SORCS2: variants seen among roughly 807,000 people sequenced by gnomAD.
SORCS2 encodes the protein VPS10 domain-containing receptor SorCS2.
A neutral mutation model predicts 141.6 loss-of-function variants in SORCS2; 100 were observed. The observed-to-expected ratio is 0.71, with a 90% CI of 0.60 to 0.83. The LOEUF (loss-of-function observed/expected upper bound fraction) is 0.83, where lower values mean the gene tolerates loss of function less well. SORCS2 is among the 40% of genes least tolerant of loss of function. The pLI is 0.00. For synonymous variants in SORCS2, 789 were observed against 676.9 expected (o/e 1.17, Z -2.57); for missense variants, 1,646 against 1,560.2 (o/e 1.05, Z -0.93).
chr4:7,484,430 C>G (rs921036449), intron 2 of SORCS2, among the ~76,000 whole-genome samples: 2 of 152,160 alleles, frequency 1.3e-5, no homozygotes, highest in South Asian at 2.1e-4. Flanking sequence ...GCCGGAGCGG[C>G]CTGCTGGGGA....
At chr4:7,680,534 G>A (rs192196326) in intron 9 of SORCS2, among the ~76,000 whole-genome samples, 184 of 152,352 alleles carry the variant, frequency 1.2e-3, no homozygotes, top group African/African-American at 4.1e-3. Context: ...GGCTCCTCCC[G>A]GCCCCTGGGA....
intron 1 of SORCS2, among the ~76,000 whole-genome samples, chr4:7,377,685 C>T (rs62280084): frequency 6.6e-6 from 1 of 152,214 alleles, no homozygotes; most frequent in Non-Finnish European, 1.5e-5. Context: ...TGCCCTCCGC[C>T]ACAGCTGGTA....
chr4:7,389,133 T>C (rs1168990927), intron 1 of SORCS2, among the ~76,000 whole-genome samples: 1 of 152,042 alleles, frequency 6.6e-6, no homozygotes. Context: ...CAAATTCTGT[T>C]CCTGCCCATC....
Position 7,229,644 on chromosome 4 carries a change from A to T in SORCS2, c.480+36518A>T, listed in dbSNP as rs187226071. Among the ~76,000 whole-genome samples the T allele has an allele frequency of 5.2e-5, 8 of 152,390 alleles. No individual in the cohort carries two copies. The East Asian group carries it at 1.3e-3, about 26-fold the overall frequency. On this transcript the variant is annotated intron_variant, in intron 1 of 26. Transcript: ENST00000507866. ...GAGGGCTGAGGTCACTCCGAGGCTG[A>T]AAAAGGGCCTAAGAGCTTCTGTCAC...
At chr4:7,388,877 A>C (rs1444328333) in intron 1 of SORCS2, among the ~76,000 whole-genome samples, 1 of 150,344 alleles carries the variant, frequency 6.7e-6, no homozygotes, top group Admixed American at 6.7e-5. Context: ...TGCGTGGGTT[A>C]TTTCTGGTCT....
chr4:7,376,502 A>G (rs1190712561), intron 1 of SORCS2, among the ~76,000 whole-genome samples: 2 of 152,150 alleles, frequency 1.3e-5, no homozygotes, highest in Non-Finnish European at 2.9e-5. Context: ...GCTTGAACCC[A>G]GGAGGTGGAG....
chr4:7,707,953 C>T (rs951344027), intron 14 of SORCS2, among the ~76,000 whole-genome samples: 17 of 152,172 alleles, frequency 1.1e-4, no homozygotes, highest in African/African-American at 4.1e-4. Flanking sequence ...GGATGCTTCT[C>T]GCCAGGCTGG....
At chr4:7,294,713 C>T (rs1256528170) in intron 1 of SORCS2, among the ~76,000 whole-genome samples, 2 of 104,490 alleles carry the variant, frequency 1.9e-5, no homozygotes, top group South Asian at 4.7e-4. Context: ...TCCCCTCCTC[C>T]TCTCCCTCCT....
chr4:7,725,007 G>GGTGGTGGTGGTGGTGGTGGTGATGATA, intron 19 of SORCS2, 147 bp from the exon 20 acceptor site: 1 of 731,710 alleles, frequency 1.4e-6, no homozygotes, highest in African/African-American at 2.0e-5. Flanking sequence ...TAGTGGTGAT[G>GGTGGTGGTGGTGGTGGTGGTGATGATA]GTGGTGGTGG....
At chr4:7,491,361 G>A (rs1161258528) in intron 2 of SORCS2, among the ~76,000 whole-genome samples, 2 of 152,222 alleles carry the variant, frequency 1.3e-5, no homozygotes, top group East Asian at 3.9e-4. Context: ...CCCTACTCCT[G>A]CAGCAGCTCT....
At chr4:7,612,911 A>AAGGGCTGGGGGAGGGGAACAAGAAGG (rs559139482) in intron 3 of SORCS2, among the ~76,000 whole-genome samples, 2,312 of 152,060 alleles carry the variant, frequency 0.015, 79 homozygotes, top group African/African-American at 0.053. Flanking sequence ...GAACAAGAAG[A>AAGGGCTGGGGGAGGGGAACAAGAAGG]AGGGCTGGGG....
intron 9 of SORCS2, 90 bp from the exon 10 acceptor site, chr4:7,682,653 C>A: frequency 7.7e-7 from 1 of 1,303,406 alleles, no homozygotes; most frequent in South Asian, 1.5e-5. Flanking sequence ...ATGTGCAGAG[C>A]ACTTTAGCAA....
chr4:7,341,434 G>C (rs1720364129), intron 1 of SORCS2, among the ~76,000 whole-genome samples: 1 of 152,216 alleles, frequency 6.6e-6, no homozygotes, highest in Admixed American at 6.5e-5. Flanking sequence ...GTCTTGTGTT[G>C]GCTGTTTGTG....
rs2108767894 is a variant in SORCS2, at chr4:7,225,847, C to T, written c.480+32721C>T. Among the ~76,000 whole-genome samples the T allele has an allele frequency of 1.3e-5, 2 of 152,296 alleles. 1 individual carries two copies. Among genetic ancestry groups the T allele is most frequent in the South Asian group, 4.1e-4 (2 of 4,822 alleles). Reference sequence around the variant, plus strand: ...AGCAGTGGGACTGCTGCCATGAGGCCTGTGCTGTGGCGAGGGGGTTCCTGC... The same window carrying T: ...AGCAGTGGGACTGCTGCCATGAGGCTTGTGCTGTGGCGAGGGGGTTCCTGC... On this transcript the variant is annotated intron_variant, in intron 1 of 26. Coordinates refer to ENST00000507866, the MANE Select transcript of SORCS2 (RefSeq NM_020777.3).
At chr4:7,553,657 G>C (rs149097378) in intron 3 of SORCS2, among the ~76,000 whole-genome samples, 126 of 152,346 alleles carry the variant, frequency 8.3e-4, no homozygotes, top group African/African-American at 2.5e-3. Flanking sequence ...GGTATGGATG[G>C]AGACCAGGTG....
intron 3 of SORCS2, among the ~76,000 whole-genome samples, chr4:7,635,007 C>G (rs1720150810): frequency 6.6e-6 from 1 of 152,230 alleles, no homozygotes; most frequent in African/African-American, 2.4e-5. Flanking sequence ...CTAAGATGTA[C>G]TGTGGTGTCC....
chr4:7,422,854 T>C (rs76661828), intron 2 of SORCS2, among the ~76,000 whole-genome samples: 6,655 of 152,220 alleles, frequency 0.044, 489 homozygotes, highest in African/African-American at 0.15. Flanking sequence ...TGCTAATAAC[T>C]GACCCAGGGC....
chr4:7,421,443 A>C (rs894109296), intron 2 of SORCS2, among the ~76,000 whole-genome samples: 7 of 152,118 alleles, frequency 4.6e-5, no homozygotes, highest in African/African-American at 1.7e-4. Flanking sequence ...TGCATCTGTG[A>C]TAATAGAGTT....
At chr4:7,568,146 C>T (rs1715149203) in intron 3 of SORCS2, among the ~76,000 whole-genome samples, 1 of 152,154 alleles carries the variant, frequency 6.6e-6, no homozygotes, top group Non-Finnish European at 1.5e-5. Flanking sequence ...TAGGCAACAT[C>T]CCTAATTATC....
Sources: gnomAD v4.1 joint callset for allele counts (sites outside exome capture counted in the v4.1 genomes callset) on GRCh38, gnomAD v4.1.1 for gene constraint, MANE v1.5 for transcripts, NCBI Gene and HGNC (gene_info 2026-07-23, HGNC 2026-07-21) for gene names.